Variants in ZNF385D observed in about 807,000 individuals in gnomAD.
ZNF385D encodes the protein zinc finger protein 385D, also known as zinc finger protein 659.
Under a neutral mutation model 35.8 loss-of-function variants are expected in ZNF385D, and 15 were observed. That is an observed-to-expected ratio of 0.42 (90% confidence interval 0.28 to 0.64). ZNF385D has a LOEUF of 0.64. Ranked by LOEUF, ZNF385D falls within the 30% of genes least tolerant of loss-of-function variation. The pLI is 0.23. For missense variants in ZNF385D, 474 were observed against 494.6 expected, an observed-to-expected ratio of 0.96 and a Z score of 0.39; for synonymous variants, 212 against 186.8, an observed-to-expected ratio of 1.13 and a Z score of -1.10.
chr3:21,860,864 A>G (rs151203775), intron 3 of ZNF385D, among the ~76,000 whole-genome samples: 1,661 of 152,208 alleles, frequency 0.011, 27 homozygotes, highest in African/African-American at 0.038. Context: ...TGTCAAACCA[A>G]ATGAAAAGGG....
chr3:22,033,959 C>A (rs1698162144), intron 3 of ZNF385D, among the ~76,000 whole-genome samples: 1 of 152,114 alleles, frequency 6.6e-6, no homozygotes, highest in East Asian at 1.9e-4. Context: ...ACTACTTTCT[C>A]CAGGAAACCT....
chr3:21,712,562 A>T (rs2068153986), intron 1 of ZNF385D, among the ~76,000 whole-genome samples: 2 of 152,210 alleles, frequency 1.3e-5, no homozygotes, highest in South Asian at 4.1e-4. Context: ...TTTTAAAAAA[A>T]GTCTGTCACT....
intron 3 of ZNF385D, among the ~76,000 whole-genome samples, chr3:21,770,046 G>A (rs192416331): frequency 3.5e-3 from 537 of 152,278 alleles, no homozygotes; most frequent in Middle Eastern, 0.01. Flanking sequence ...GGAGAAAGCG[G>A]AAACTGGATC....
At chr3:22,113,006 G>T (rs1337439679) in intron 3 of ZNF385D, among the ~76,000 whole-genome samples, 4 of 152,088 alleles carry the variant, frequency 2.6e-5, no homozygotes, top group South Asian at 2.1e-4. Flanking sequence ...GTGTGGCCTT[G>T]GTCAACCCCA....
intron 2 of ZNF385D, among the ~76,000 whole-genome samples, chr3:21,639,699 GAT>G (rs1380336515): frequency 6.6e-6 from 1 of 151,958 alleles, no homozygotes; most frequent in Non-Finnish European, 1.5e-5. Context: ...GCCTATGCAT[GAT>G]AGTCTCATTT....
intron 2 of ZNF385D, among the ~76,000 whole-genome samples, chr3:22,340,569 C>G (rs1695377808): frequency 6.6e-6 from 1 of 152,156 alleles, no homozygotes; most frequent in Non-Finnish European, 1.5e-5. Context: ...TCGCTTGAAC[C>G]TGGGACGTGG....
chr3:22,152,056 C>A (rs1366310377), intron 3 of ZNF385D, among the ~76,000 whole-genome samples: 3 of 152,072 alleles, frequency 2.0e-5, no homozygotes, highest in Non-Finnish European at 2.9e-5. Context: ...CTCTTTGCGT[C>A]TGTGTGTTCT....
At chr3:21,715,228 T>C (rs1312821539) in intron 1 of ZNF385D, among the ~76,000 whole-genome samples, 1 of 152,182 alleles carries the variant, frequency 6.6e-6, no homozygotes, top group East Asian at 1.9e-4. Flanking sequence ...TATTTTTTCC[T>C]CATTCCCTCT....
chr3:21,495,017 A>G (rs1192560894), intron 4 of ZNF385D, among the ~76,000 whole-genome samples: 2 of 152,164 alleles, frequency 1.3e-5, no homozygotes, highest in Non-Finnish European at 2.9e-5. Context: ...ACCCTGGATT[A>G]TATTTTGTGT....
chr3:21,941,021 A>G (rs528979973), intron 3 of ZNF385D, among the ~76,000 whole-genome samples: 2 of 152,356 alleles, frequency 1.3e-5, no homozygotes, highest in Non-Finnish European at 2.9e-5. Flanking sequence ...AATAAAGATC[A>G]ATGAGGGACA....
chr3:21,769,606 A>G (rs1216109408), intron 3 of ZNF385D, among the ~76,000 whole-genome samples: 2 of 104,742 alleles, frequency 1.9e-5, no homozygotes, highest in Non-Finnish European at 3.8e-5. Flanking sequence ...CAAATGGAAG[A>G]ACATTCCATG....
At chr3:21,627,050 G>T (rs555173008) in intron 2 of ZNF385D, among the ~76,000 whole-genome samples, 2 of 150,928 alleles carry the variant, frequency 1.3e-5, no homozygotes, top group Middle Eastern at 3.2e-3. Context: ...ATTTAGGGAG[G>T]TGTTTTTTTT....
chr3:21,589,170 A>T (rs529127554), intron 2 of ZNF385D, among the ~76,000 whole-genome samples: 60 of 152,292 alleles, frequency 3.9e-4, no homozygotes, highest in African/African-American at 1.4e-3. Flanking sequence ...AAATGGCCAT[A>T]TGTGGCCTCA....
intron 4 of ZNF385D, among the ~76,000 whole-genome samples, chr3:21,496,258 A>G (rs1705833895): frequency 6.8e-6 from 1 of 146,866 alleles, no homozygotes; most frequent in South Asian, 2.1e-4. Context: ...ATAAATATAT[A>G]TATAATTTAT....
chr3:21,800,033 T>C (rs1289081205), intron 3 of ZNF385D, among the ~76,000 whole-genome samples: 1 of 152,188 alleles, frequency 6.6e-6, no homozygotes, highest in Non-Finnish European at 1.5e-5. Context: ...TATTCTTTAT[T>C]CTTGTTAAAA....
At chr3:21,814,762 T>G (rs1396490916) in intron 3 of ZNF385D, among the ~76,000 whole-genome samples, 2 of 152,038 alleles carry the variant, frequency 1.3e-5, no homozygotes, top group African/African-American at 4.8e-5. Flanking sequence ...CTGTCAACAT[T>G]AGACAGATCA....
At chr3:22,218,910 T>C (rs1454673297) in intron 2 of ZNF385D, among the ~76,000 whole-genome samples, 4 of 152,170 alleles carry the variant, frequency 2.6e-5, no homozygotes, top group African/African-American at 9.6e-5. Context: ...AAAAAATACA[T>C]TTTGTAGATC....
intron 2 of ZNF385D, among the ~76,000 whole-genome samples, chr3:21,638,818 T>A (rs1051972924): frequency 1.3e-5 from 2 of 152,110 alleles, no homozygotes; most frequent in African/African-American, 4.8e-5. Context: ...TAGTGAAATA[T>A]AAGCTTGTAC....
chr3:21,579,767 T>TCCTTG (rs2063597853), intron 2 of ZNF385D: 2 of 11,062 alleles, frequency 1.8e-4, no homozygotes, highest in Non-Finnish European at 3.9e-4. Context: ...GGAACATCCT[T>TCCTTG]CCTTGCCAGC....
Sources: gnomAD v4.1 joint callset for allele counts (sites outside exome capture counted in the v4.1 genomes callset) on GRCh38, gnomAD v4.1.1 for gene constraint, MANE v1.5 for transcripts, NCBI Gene and HGNC (gene_info 2026-07-23, HGNC 2026-07-21) for gene names.